The following MTMR10 variants were observed in gnomAD, a reference collection of about 807,000 sequenced individuals.
The protein encoded by MTMR10 is myotubularin related protein 10, also known as myotubularin-related protein 10.
MTMR10 carries 56 observed loss-of-function variants against 88.1 expected under a neutral mutation model. That is an observed-to-expected ratio of 0.64 (90% CI 0.51 to 0.79). The LOEUF (loss-of-function observed/expected upper bound fraction) is 0.79, where lower values mean the gene tolerates loss of function less well. Among genes scored for constraint, MTMR10 ranks in the 30% least tolerant of loss-of-function variants. The pLI, the probability that MTMR10 is intolerant of heterozygous loss-of-function variation, is 0.00. For missense variants in MTMR10, 883 were observed against 924.7 expected, an observed-to-expected ratio of 0.95 and a Z score of 0.58; for synonymous variants, 380 against 340.9, an observed-to-expected ratio of 1.11 and a Z score of -1.26.
chr15:30,941,119 T>C lies in MTMR10; in HGVS notation c.*351A>G, dbSNP rs2063032757. On this transcript the variant is annotated 3_prime_UTR_variant, in exon 16 of 16. Coordinates refer to ENST00000435680, the MANE Select transcript of MTMR10 (RefSeq NM_017762.3). ...ACACGAAACACAAATTTCCTAACTT[T>C]CCTGTTGTCTGCTGCCTGGGGCTGC... The C allele has an allele frequency of 5.6e-6, 7 of 1,260,534 alleles. No individual in the cohort carries two copies. Among genetic ancestry groups the C allele is most frequent in the African/African-American group, 1.6e-5 (1 of 64,162 alleles). 78.1% of individuals were successfully genotyped at this position (1,260,534 alleles called of 1,614,324 possible).
intron 3 of MTMR10, 83 bp downstream of exon 3, chr15:30,976,736 C>T: frequency 2.8e-6 from 4 of 1,424,650 alleles, no homozygotes; most frequent in Non-Finnish European, 3.8e-6. Context: ...TATAACTTTT[C>T]CATACCTATG....
At chr15:30,934,931 TTAA>T (rs1487327907), downstream of MTMR10, among the ~76,000 whole-genome samples, 21 of 152,360 alleles carry the variant, frequency 1.4e-4, no homozygotes, top group South Asian at 2.1e-4. Context: ...CTACAGTTGA[TTAA>T]TGAGTCTGTA....
chr15:30,957,990 G>A (rs1016960884), intron 9 of MTMR10, among the ~76,000 whole-genome samples: 6 of 152,186 alleles, frequency 3.9e-5, no homozygotes, highest in African/African-American at 1.4e-4. Flanking sequence ...ATTGGTGATG[G>A]GGAAGGGAAA....
chr15:30,937,234 C>G (rs2062880546), downstream of MTMR10: 1 of 1,613,730 alleles, frequency 6.2e-7, no homozygotes, highest in Non-Finnish European at 8.5e-7. Context: ...GCAGTTGGAG[C>G]TAAGAGCCAA....
At chr15:30,946,779 C>G in intron 14 of MTMR10, 2 of 701,654 alleles carry the variant, frequency 2.9e-6, no homozygotes, top group South Asian at 1.5e-5. Context: ...ATCCTACTGA[C>G]CTAGGAAATA....
chr15:30,924,084 G>A, the MTMR10 span, among the ~76,000 whole-genome samples: 1 of 152,190 alleles, frequency 6.6e-6, no homozygotes, highest in Non-Finnish European at 1.5e-5. Context: ...TTTCATTGAA[G>A]TGGAATCCTA....
At chr15:30,929,974 T>C in the MTMR10 span, among the ~76,000 whole-genome samples, 2 of 125,572 alleles carry the variant, frequency 1.6e-5, no homozygotes, top group African/African-American at 6.6e-5. Flanking sequence ...ATATATAAAA[T>C]ATATAATATA....
intron 6 of MTMR10, among the ~76,000 whole-genome samples, chr15:30,967,439 A>G (rs1566959611): frequency 6.6e-6 from 1 of 152,196 alleles, no homozygotes; most frequent in Non-Finnish European, 1.5e-5. Flanking sequence ...TCCTTTCATC[A>G]GTATTACTCA....
chr15:30,957,934 G>C (rs558639543), intron 9 of MTMR10, among the ~76,000 whole-genome samples: 1 of 152,320 alleles, frequency 6.6e-6, no homozygotes, highest in South Asian at 2.1e-4. Flanking sequence ...GAAGCACATG[G>C]GTTTGCAAGG....
chr15:30,921,606 G>A, the MTMR10 span, among the ~76,000 whole-genome samples: 1 of 152,130 alleles, frequency 6.6e-6, no homozygotes, highest in African/African-American at 2.4e-5. Flanking sequence ...TGAATCCCAG[G>A]GGAGTGATGG....
intron 6 of MTMR10, among the ~76,000 whole-genome samples, chr15:30,962,449 G>A (rs1263823509): frequency 6.6e-6 from 1 of 152,190 alleles, no homozygotes; most frequent in Non-Finnish European, 1.5e-5. Context: ...CTAAAAAGAT[G>A]TGTTCATGAT....
intron 2 of MTMR10, among the ~76,000 whole-genome samples, chr15:30,980,960 A>T (rs1168751019): frequency 1.3e-5 from 2 of 152,252 alleles, no homozygotes; most frequent in Non-Finnish European, 2.9e-5. Flanking sequence ...AATCTTCCTC[A>T]CAGAAGAATT....
Position 30,939,342 on chromosome 15 carries a change from C to T in MTMR10, c.*2128G>A. On this transcript the variant is annotated 3_prime_UTR_variant, in exon 16 of 16. Coordinates refer to ENST00000435680, the MANE Select transcript of MTMR10 (RefSeq NM_017762.3). Reference sequence around the variant, plus strand: ...CCTCAGCACGGGCTCTGCTGGCGGGCAGCAGGGGTGCTGAGCTCTCTCTAG... The same window carrying T: ...CCTCAGCACGGGCTCTGCTGGCGGGTAGCAGGGGTGCTGAGCTCTCTCTAG... 1.0e-6 allele frequency: 1 copy of T among 985,448 alleles called. No homozygotes were observed. Among genetic ancestry groups the T allele is most frequent in the Non-Finnish European group, 1.2e-6 (1 of 829,948 alleles). The allele number at this position is 985,448 out of a possible 1,614,324, so 61.0% of individuals were successfully genotyped here.
rs74404119 is a variant in MTMR10 at position 30,981,655 on chromosome 15, A to G, written c.122-4700T>C. On this transcript the variant is annotated intron_variant, in intron 2 of 15. Transcript: ENST00000435680. Reference sequence around the variant, plus strand: ...TCTCTAAGTCTGAAATTACGTCTACATTTTTAAGTCAATTTGATGATGTTT... The same window carrying G: ...TCTCTAAGTCTGAAATTACGTCTACGTTTTTAAGTCAATTTGATGATGTTT... Among the ~76,000 whole-genome samples, 768 of 152,334 alleles carry G rather than the reference A, an allele frequency of 5.0e-3. 6 individuals are homozygous for G. Among genetic ancestry groups the G allele is most frequent in the African/African-American group, 0.018 (731 of 41,580 alleles).
the MTMR10 span, among the ~76,000 whole-genome samples, chr15:30,923,182 A>G: frequency 1.3e-5 from 2 of 152,336 alleles, no homozygotes; most frequent in Admixed American, 1.3e-4. Flanking sequence ...ATTGCCGTAA[A>G]CTGAAAAAGT....
chr15:30,948,524 G>T, intron 12 of MTMR10, 53 bp from the exon 13 acceptor site: 1 of 1,500,942 alleles, frequency 6.7e-7, no homozygotes, highest in Middle Eastern at 1.7e-4. Flanking sequence ...TGCTGAGAGA[G>T]AAAGGGAAGG....
the MTMR10 span, chr15:30,927,798 G>C: frequency 1.0e-6 from 1 of 985,808 alleles, no homozygotes. Context: ...ATGAGCTGGG[G>C]CTTGCTCAGG....
intron 6 of MTMR10, among the ~76,000 whole-genome samples, chr15:30,961,326 C>T (rs1040563900): frequency 6.6e-6 from 1 of 152,058 alleles, no homozygotes; most frequent in African/African-American, 2.4e-5. Flanking sequence ...CTCCGCCCCC[C>T]GGGTTCAAGC....
rs766281801 is a variant in MTMR10 at position 30,948,347 on chromosome 15, A to G, written c.1332T>C (p.Tyr444=). ...GATGGTTGCATCTGTCTAGAAACTGATATCCTGCCATGACCCACTCCTTCT... is the reference window on the plus strand; with the variant it reads ...GATGGTTGCATCTGTCTAGAAACTGGTATCCTGCCATGACCCACTCCTTCT... ...LIQKEWVMAG[Y]QFLDRCNHLK... The change falls in exon 13 of 16, where the codon TAT becomes TAC. Residue 444 remains tyrosine (Y), a synonymous_variant. Transcript: ENST00000435680. 6.8e-6 allele frequency: 11 copies of G among 1,613,696 alleles called. No homozygotes were observed. The Admixed American group carries it at 1.7e-4, about 24-fold the overall frequency.
Sources: gnomAD v4.1 joint callset for allele counts (sites outside exome capture counted in the v4.1 genomes callset) on GRCh38, gnomAD v4.1.1 for gene constraint, MANE v1.5 for transcripts, NCBI Gene and HGNC (gene_info 2026-07-23, HGNC 2026-07-21) for gene names.